The following SEPTIN14 variants were observed in gnomAD, a reference collection of about 807,000 sequenced individuals.
SEPTIN14 encodes the protein septin 14.
SEPTIN14 carries 40 observed loss-of-function variants against 53.6 expected under a neutral mutation model. That is an observed-to-expected ratio of 0.75 (90% confidence interval 0.58 to 0.97). The LOEUF is 0.97. Ranked by LOEUF, SEPTIN14 falls within the 50% of genes least tolerant of loss-of-function variation. The pLI, the probability that SEPTIN14 is intolerant of heterozygous loss-of-function variation, is 0.00. For missense variants in SEPTIN14, 471 were observed against 508.2 expected (o/e 0.93, Z 0.70); for synonymous variants, 138 against 166.8 (o/e 0.83, Z 1.33).
At chr7:55,804,632 C>T (rs1467076058) in intron 9 of SEPTIN14, among the ~76,000 whole-genome samples, 2 of 152,094 alleles carry the variant, frequency 1.3e-5, no homozygotes, top group Non-Finnish European at 2.9e-5. Flanking sequence ...TACTACTATT[C>T]TGTTCTTATG....
At chr7:55,805,531 AAT>A in intron 8 of SEPTIN14, 141 bp from the exon 9 acceptor site, 1 of 569,784 alleles carries the variant, frequency 1.8e-6, no homozygotes, top group Non-Finnish European at 3.0e-6. Flanking sequence ...ATCATAAAAA[AAT>A]AAAATAAAAT....
chr7:55,814,903 CT>C (rs1423492234), intron 7 of SEPTIN14, among the ~76,000 whole-genome samples: 1 of 152,044 alleles, frequency 6.6e-6, no homozygotes, highest in Non-Finnish European at 1.5e-5. Context: ...TACTACAAAG[CT>C]ATAGTAAGTG....
intron 6 of SEPTIN14, among the ~76,000 whole-genome samples, chr7:55,822,646 G>C (rs924465998): frequency 9.9e-5 from 15 of 152,070 alleles, no homozygotes; most frequent in African/African-American, 3.4e-4. Flanking sequence ...GAATTTAATG[G>C]AGACAAGATA....
intron 5 of SEPTIN14, among the ~76,000 whole-genome samples, chr7:55,839,821 C>T (rs1789276495): frequency 1.3e-5 from 2 of 152,126 alleles, no homozygotes; most frequent in African/African-American, 4.8e-5. Context: ...GTGACCTCAA[C>T]TGAGATAAAG....
At chr7:55,831,589 G>A (rs1020776672) in intron 6 of SEPTIN14, among the ~76,000 whole-genome samples, 2 of 152,094 alleles carry the variant, frequency 1.3e-5, no homozygotes, top group African/African-American at 2.4e-5. Flanking sequence ...ACTTAGACCT[G>A]AAAAGGAAAT....
chr7:55,807,203 G>A lies in SEPTIN14; in HGVS notation c.873C>T (p.Thr291=). The change falls in exon 8 of 10, where the codon ACC becomes ACT. Residue 291 remains threonine, a synonymous_variant. Coordinates refer to ENST00000388975, the MANE Select transcript of SEPTIN14 (RefSeq NM_207366.3). ...FVKLRDMLLC[T]NMENLKEKTH... is the part of the protein sequence containing the mutation. Reference sequence around the variant, plus strand: ...TTTTTTCTTTTAGATTTTCCATATTGGTACAAAGAAGCATATCTCGGAGCT... The same window carrying A: ...TTTTTTCTTTTAGATTTTCCATATTAGTACAAAGAAGCATATCTCGGAGCT... 6.2e-7 allele frequency: 1 copy of A among 1,605,474 alleles called. No individual in the cohort carries two copies. Among genetic ancestry groups the A allele is most frequent in the African/African-American group, 1.3e-5 (1 of 74,398 alleles).
intron 5 of SEPTIN14, among the ~76,000 whole-genome samples, chr7:55,835,325 C>A (rs1168532263): frequency 6.6e-6 from 1 of 151,916 alleles, no homozygotes. Flanking sequence ...GCCTCAGCCT[C>A]CCGAGTAGCT....
intron 6 of SEPTIN14, among the ~76,000 whole-genome samples, chr7:55,824,566 T>C (rs901085686): frequency 6.6e-6 from 1 of 151,542 alleles, no homozygotes; most frequent in Non-Finnish European, 1.5e-5. Flanking sequence ...GCGGATCACC[T>C]GAGGTCAGGA....
At chr7:55,847,836 T>C (rs969475754) in intron 2 of SEPTIN14, among the ~76,000 whole-genome samples, 2 of 151,618 alleles carry the variant, frequency 1.3e-5, no homozygotes, top group African/African-American at 4.9e-5. Context: ...CCATCAGTAT[T>C]ACACACAAAG....
chr7:55,807,364 C>T, intron 7 of SEPTIN14, 106 bp from the exon 8 acceptor site: 1 of 670,786 alleles, frequency 1.5e-6, no homozygotes, highest in Non-Finnish European at 2.4e-6. Context: ...TAAAATAACA[C>T]ACAACTGAAC....
chr7:55,820,941 A>C (rs996193568), intron 6 of SEPTIN14, among the ~76,000 whole-genome samples: 14 of 152,180 alleles, frequency 9.2e-5, no homozygotes, highest in Non-Finnish European at 1.6e-4. Context: ...ACTCTGTCTC[A>C]AAAGAAAAAA....
rs553365026 is a variant in SEPTIN14 at position 55,813,477 on chromosome 7, C to T, written c.817+5650G>A. ...GAATGCGTGTGACCCAGCAAGACAC[C>T]AGTTTTGGTGGCCAAGGAGTGCTTG... is the stretch of plus-strand genomic sequence containing the variant. On this transcript the variant is annotated intron_variant, in intron 7 of 9. Transcript: ENST00000388975. Among the ~76,000 whole-genome samples the T allele has an allele frequency of 2.6e-4, 39 of 152,300 alleles. No homozygotes were observed. The South Asian group carries it at 7.9e-3, about 31-fold the overall frequency.
chr7:55,829,107 G>T (rs555986868), intron 6 of SEPTIN14, among the ~76,000 whole-genome samples: 1 of 151,494 alleles, frequency 6.6e-6, no homozygotes, highest in South Asian at 2.1e-4. Flanking sequence ...GGCCGGGCAC[G>T]GTGGCTCACG....
intron 7 of SEPTIN14, among the ~76,000 whole-genome samples, chr7:55,809,309 CTTTTTTTTT>C (rs780613537): frequency 3.4e-5 from 3 of 88,648 alleles, no homozygotes; most frequent in East Asian, 3.5e-4. Context: ...ACTATGCTTA[CTTTTTTTTT>C]TTTTTTTTTT....
Position 55,794,590 on chromosome 7 carries a change from C to A in SEPTIN14, c.*1323G>T, listed in dbSNP as rs1788394633. On this transcript the variant is annotated 3_prime_UTR_variant, in exon 10 of 10. Coordinates refer to ENST00000388975, the MANE Select transcript of SEPTIN14 (RefSeq NM_207366.3). ...TCATTTAGTAAAATTTTTCTTCCCC[C>A]AAATTATAAAATCTGTAAGATGATT... is the stretch of plus-strand genomic sequence containing the variant. The A allele has an allele frequency of 1.3e-5, 2 of 152,106 alleles. No homozygotes were observed. The highest frequency in any genetic ancestry group is 6.6e-5 in the Admixed American group (1 of 15,244). 9.4% of individuals were successfully genotyped at this position (152,106 alleles called of 1,614,324 possible). A position where few individuals can be genotyped will look rare whatever the true frequency, so the allele number is the denominator to read the frequency against.
chr7:55,847,344 C>T (rs1050197251), intron 2 of SEPTIN14, among the ~76,000 whole-genome samples: 3 of 152,020 alleles, frequency 2.0e-5, no homozygotes, highest in Admixed American at 6.6e-5. Flanking sequence ...TCTGCTGCAG[C>T]GTATTAATAT....
At chr7:55,830,102 C>G (rs1158079967) in intron 6 of SEPTIN14, among the ~76,000 whole-genome samples, 1 of 145,144 alleles carries the variant, frequency 6.9e-6, no homozygotes, top group African/African-American at 2.5e-5. Flanking sequence ...GGCGTGAACC[C>G]GGGAGGCGGA....
chr7:55,858,718 C>T (rs991126087), intron 2 of SEPTIN14, among the ~76,000 whole-genome samples: 9 of 151,796 alleles, frequency 5.9e-5, no homozygotes, highest in Admixed American at 2.0e-4. Context: ...GCAGGAGAAT[C>T]GCTTGAACTC....
At chr7:55,829,105 A>T (rs1789043307) in intron 6 of SEPTIN14, among the ~76,000 whole-genome samples, 1 of 151,864 alleles carries the variant, frequency 6.6e-6, no homozygotes, top group Non-Finnish European at 1.5e-5. Flanking sequence ...TAGGCCGGGC[A>T]CGGTGGCTCA....
Sources: gnomAD v4.1 joint callset for allele counts (sites outside exome capture counted in the v4.1 genomes callset) on GRCh38, gnomAD v4.1.1 for gene constraint, MANE v1.5 for transcripts, NCBI Gene and HGNC (gene_info 2026-07-23, HGNC 2026-07-21) for gene names.